The following SPOPL variants were observed in gnomAD, a reference collection of about 807,000 sequenced individuals.
SPOPL encodes the protein speckle-type POZ protein-like.
A neutral mutation model predicts 53.8 loss-of-function variants in SPOPL; 23 were observed. The ratio of observed to expected loss-of-function variants is 0.43; its 90% CI spans 0.31 to 0.61. SPOPL has a LOEUF of 0.61. SPOPL is among the 20% of genes least tolerant of loss of function. The pLI, the probability that SPOPL is intolerant of heterozygous loss-of-function variation, is 0.12. For missense variants in SPOPL, 442 were observed against 466.9 expected (o/e 0.95, Z 0.49); for synonymous variants, 164 against 149.7 (o/e 1.10, Z -0.70).
intron 1 of SPOPL, among the ~76,000 whole-genome samples, chr2:138,503,552 G>A (rs1446174540): frequency 6.6e-6 from 1 of 152,250 alleles, no homozygotes; most frequent in South Asian, 2.1e-4. Context: ...GATATAGATA[G>A]CATGTATAAT....
intron 1 of SPOPL, among the ~76,000 whole-genome samples, chr2:138,546,614 G>A (rs917684940): frequency 2.6e-5 from 4 of 152,160 alleles, no homozygotes; most frequent in African/African-American, 9.6e-5. Flanking sequence ...ATAAGAATTG[G>A]AACAATAGGT....
chr2:138,548,013 A>T (rs1353819843), intron 1 of SPOPL, among the ~76,000 whole-genome samples: 1 of 152,110 alleles, frequency 6.6e-6, no homozygotes, highest in African/African-American at 2.4e-5. Flanking sequence ...CACAGTTATA[A>T]TCATTTTCCT....
intron 5 of SPOPL, among the ~76,000 whole-genome samples, chr2:138,557,232 C>T (rs1311367340): frequency 6.6e-6 from 1 of 152,054 alleles, no homozygotes; most frequent in Admixed American, 6.6e-5. Context: ...TGATTTGGAA[C>T]ACTTTGTTTA....
intron 10 of SPOPL, among the ~76,000 whole-genome samples, chr2:138,565,568 C>G (rs925707289): frequency 2.0e-5 from 3 of 147,040 alleles, no homozygotes; most frequent in Non-Finnish European, 4.5e-5. Flanking sequence ...ACTTTTTTCC[C>G]TTCTCTTACT....
At chr2:138,555,220 CCATT>C (rs1558878138) in intron 5 of SPOPL, among the ~76,000 whole-genome samples, 2 of 150,118 alleles carry the variant, frequency 1.3e-5, no homozygotes, top group African/African-American at 2.4e-5. Flanking sequence ...ACACATTAAT[CCATT>C]CATGAGGTTA....
chr2:138,557,565 G>T (rs1685454093), intron 5 of SPOPL, among the ~76,000 whole-genome samples: 1 of 152,014 alleles, frequency 6.6e-6, no homozygotes, highest in Admixed American at 6.5e-5. Flanking sequence ...TCTGTTTTCT[G>T]CATAGTTTAC....
At chr2:138,516,561 G>A (rs1051796419) in intron 1 of SPOPL, among the ~76,000 whole-genome samples, 1 of 152,178 alleles carries the variant, frequency 6.6e-6, no homozygotes, top group Non-Finnish European at 1.5e-5. Flanking sequence ...AAAGTCCACA[G>A]GGTGCACTCA....
chr2:138,545,342 A>G (rs1685170684), intron 1 of SPOPL, among the ~76,000 whole-genome samples: 1 of 152,190 alleles, frequency 6.6e-6, no homozygotes, highest in Non-Finnish European at 1.5e-5. Context: ...AGGGAGCCGT[A>G]GTAAGCAGGT....
intron 1 of SPOPL, among the ~76,000 whole-genome samples, chr2:138,529,536 T>TGCGCG (rs72375808): frequency 5.8e-4 from 57 of 97,632 alleles, no homozygotes; most frequent in African/African-American, 2.0e-3. Flanking sequence ...GTGTGTGTGT[T>TGCGCG]TGCGTGCGCG....
intron 5 of SPOPL, among the ~76,000 whole-genome samples, chr2:138,552,899 G>A (rs1685344068): frequency 6.6e-6 from 1 of 152,050 alleles, no homozygotes; most frequent in East Asian, 1.9e-4. Flanking sequence ...TATAATTTGT[G>A]TGTACACTTA....
chr2:138,529,242 G>T (rs80026445), intron 1 of SPOPL, among the ~76,000 whole-genome samples: 1,627 of 152,216 alleles, frequency 0.011, 33 homozygotes, highest in African/African-American at 0.037. Context: ...TACTAGAAAT[G>T]GTTGTCCCTC....
At position 138,514,718 on chromosome 2, in the gene SPOPL, T is replaced by C. The variant is rs77233598; in HGVS notation, c.-61+12599T>C. Among the ~76,000 whole-genome samples, 1,236 of 152,328 alleles carry C rather than the reference T, an allele frequency of 8.1e-3. 11 individuals are homozygous for C. The highest frequency in any genetic ancestry group is 0.024 in the Middle Eastern group (7 of 294). ...CCCATGTGTGCATTTCCCTGGGTAA[T>C]GTACCTTGTAATATAATCACTGGGT... On this transcript the variant is annotated intron_variant, in intron 1 of 10. Coordinates refer to ENST00000280098, the MANE Select transcript of SPOPL (RefSeq NM_001001664.3).
At chr2:138,566,366 A>G (rs1050006834) in intron 10 of SPOPL, among the ~76,000 whole-genome samples, 2 of 152,170 alleles carry the variant, frequency 1.3e-5, no homozygotes, top group Non-Finnish European at 2.9e-5. Context: ...CTAAGGAAAT[A>G]CTTCACATTT....
chr2:138,525,999 A>G (rs767310288), intron 1 of SPOPL, among the ~76,000 whole-genome samples: 1 of 152,138 alleles, frequency 6.6e-6, no homozygotes, highest in Non-Finnish European at 1.5e-5. Flanking sequence ...TATTAGCTCT[A>G]GATAGTATTA....
intron 7 of SPOPL, 126 bp downstream of exon 7, chr2:138,559,463 C>T (rs1573907119): frequency 1.0e-6 from 1 of 954,100 alleles, no homozygotes; most frequent in Non-Finnish European, 1.5e-6. Context: ...TTTTTACAAA[C>T]AGGAAAAAAA....
At chr2:138,536,078 C>T (rs1573887441) in intron 1 of SPOPL, among the ~76,000 whole-genome samples, 1 of 152,114 alleles carries the variant, frequency 6.6e-6, no homozygotes, top group South Asian at 2.1e-4. Context: ...GTTCTTTACA[C>T]ATACTTATTA....
At chr2:138,502,578 T>C (rs1430608150) in intron 1 of SPOPL, among the ~76,000 whole-genome samples, 1 of 152,118 alleles carries the variant, frequency 6.6e-6, no homozygotes, top group Admixed American at 6.5e-5. Context: ...CACTTGAAAC[T>C]CTCGTCCCTG....
Position 138,550,242 on chromosome 2 carries a change from T to C in SPOPL, c.26T>C (p.Leu9Pro). MSREPTPPLPGDMSTGPIA... is the reference protein window; with the variant it reads MSREPTPPPPGDMSTGPIA... ...ATGTCTCGGGAACCCACCCCACCTCTACCTGGAGATATGTCTACTGGTCCC... is the reference window on the plus strand; with the variant it reads ...ATGTCTCGGGAACCCACCCCACCTCCACCTGGAGATATGTCTACTGGTCCC... The change falls in exon 2 of 11, where the codon CTA becomes CCA. Residue 9 changes from leucine (L) to proline (P), a missense_variant. Coordinates refer to ENST00000280098, the MANE Select transcript of SPOPL (RefSeq NM_001001664.3). The C allele has an allele frequency of 6.2e-7, 1 of 1,613,660 alleles. No individual in the cohort carries two copies. The highest frequency in any genetic ancestry group is 1.1e-5 in the South Asian group (1 of 91,068).
intron 7 of SPOPL, 69 bp downstream of exon 7, chr2:138,559,406 G>A (rs548849351): frequency 1.4e-6 from 2 of 1,451,060 alleles, no homozygotes; most frequent in African/African-American, 1.4e-5. Context: ...TGTTTTAAAA[G>A]TAATAGTACA....
Sources: allele counts gnomAD v4.1 joint callset (sites outside exome capture counted in the v4.1 genomes callset), GRCh38; gene constraint gnomAD v4.1.1; transcripts MANE v1.5; gene names NCBI Gene and HGNC (gene_info 2026-07-23, HGNC 2026-07-21).